DMD: variants seen among roughly 807,000 people sequenced by gnomAD.
The protein encoded by DMD is mutant dystrophin.
Under a neutral mutation model 330.1 loss-of-function variants are expected in DMD, and 63 were observed. That is an observed-to-expected ratio of 0.19 (90% CI 0.16 to 0.24). The LOEUF (loss-of-function observed/expected upper bound fraction) is 0.24, where lower values mean the gene tolerates loss of function less well. DMD is among the 10% of genes least tolerant of loss of function. The pLI is 1.00. For missense variants in DMD, 3,344 were observed against 2,684.1 expected (o/e 1.25, Z -5.43); for synonymous variants, 1,223 against 959.8 (o/e 1.27, Z -5.07).
At chrX:31,795,864 T>C (rs1441162284) in intron 50 of DMD, among the ~76,000 whole-genome samples, 1 of 112,129 alleles carries the variant, frequency 8.9e-6, no homozygotes, top group Non-Finnish European at 1.9e-5. Flanking sequence ...GAGAATGTAA[T>C]GGTAAGTTTA....
intron 11 of DMD, among the ~76,000 whole-genome samples, chrX:32,616,435 T>C (rs1370036234): frequency 9.0e-6 from 1 of 111,218 alleles, no homozygotes; most frequent in Non-Finnish European, 1.9e-5. Flanking sequence ...GACTCATGTA[T>C]AGTTATTTGA....
intron 7 of DMD, among the ~76,000 whole-genome samples, chrX:32,729,869 T>C (rs1194056072): frequency 1.8e-5 from 2 of 112,293 alleles, no homozygotes; most frequent in African/African-American, 6.5e-5. Flanking sequence ...GACTATGTAA[T>C]AAACAATTTT....
intron 17 of DMD, among the ~76,000 whole-genome samples, chrX:32,536,802 G>A (rs1399458187): frequency 1.8e-5 from 2 of 111,440 alleles, no homozygotes; most frequent in African/African-American, 6.5e-5. Flanking sequence ...AGCTGGAGAG[G>A]TAGGCAGCTA....
At chrX:32,945,427 G>C (rs1283629931) in intron 2 of DMD, among the ~76,000 whole-genome samples, 3 of 110,705 alleles carry the variant, frequency 2.7e-5, no homozygotes, top group African/African-American at 9.8e-5. Context: ...GATTTACTTA[G>C]TACCAAGTTG....
At position 32,463,528 on chromosome X, in the gene DMD, T is replaced by A. The variant is rs2098390848; in HGVS notation, c.3343A>T (p.Ile1115Leu). 1 of 1,203,561 alleles carries A rather than the reference T, an allele frequency of 8.3e-7. No homozygotes were observed. Among genetic ancestry groups the A allele is most frequent in the Non-Finnish European group, 1.1e-6 (1 of 890,648 alleles). The change falls in exon 25 of 79, where the codon ATA becomes TTA. Residue 1115 changes from isoleucine to leucine, a missense_variant. Coordinates refer to ENST00000357033, the MANE Select transcript of DMD (RefSeq NM_004006.3). The stretch of plus-strand genomic sequence containing the variant: ...AACTCTGGCTCTGCTTCATTCTTTA[T>A]CTTCTGCCCACCTTCATTGACACTG... ...LNSVNEGGQKIKNEAEPEFAS... is the reference protein window; with the variant it reads ...LNSVNEGGQKLKNEAEPEFAS...
rs1165601315 is a variant in DMD, at chrX:31,134,158, C to G, written c.10958G>C (p.Ser3653Thr). 1.7e-6 allele frequency: 2 copies of G among 1,211,308 alleles called. No individual in the cohort carries two copies. The highest frequency in any genetic ancestry group is 2.2e-6 in the Non-Finnish European group (2 of 895,256). The part of the protein sequence containing the change: ...EDLLSPPQDT[S>T]TGLEEVMEQL... The stretch of plus-strand genomic sequence containing the variant: ...CTCCATCACCTCCTCTAACCCTGTG[C>G]TTGTGTCCTGGGGAGGACTGAGAAG... Residue 3653 changes from serine to threonine, a missense_variant, in exon 77 of 79, where the codon AGC becomes ACC. Ser to Thr is a moderately conservative substitution (Grantham distance 58). Transcript: ENST00000357033.
At chrX:31,993,853 T>A (rs1253001129) in intron 44 of DMD, among the ~76,000 whole-genome samples, 1 of 111,889 alleles carries the variant, frequency 8.9e-6, no homozygotes, top group East Asian at 2.8e-4. Flanking sequence ...ATGTAAATCT[T>A]TGCTCAGCTG....
intron 43 of DMD, among the ~76,000 whole-genome samples, chrX:32,251,019 C>A (rs1350727418): frequency 1.9e-5 from 2 of 107,928 alleles, no homozygotes; most frequent in African/African-American, 3.4e-5. Flanking sequence ...GGGAGGGGAA[C>A]AACACACACT....
intron 51 of DMD, among the ~76,000 whole-genome samples, chrX:31,773,724 C>CTTTT (rs762551529): frequency 1.4e-3 from 77 of 53,478 alleles, no homozygotes; most frequent in African/African-American, 1.8e-3. Context: ...AAGGTTTCTG[C>CTTTT]TTTTTTTTTT....
chrX:32,045,018 G>A (rs2096052936), intron 44 of DMD, among the ~76,000 whole-genome samples: 1 of 110,675 alleles, frequency 9.0e-6, no homozygotes, highest in African/African-American at 3.3e-5. Context: ...TTTGGGTCAT[G>A]GGGACAGATC....
chrX:32,712,406 C>T (rs1490798139), intron 7 of DMD, among the ~76,000 whole-genome samples: 1 of 111,435 alleles, frequency 9.0e-6, no homozygotes, highest in South Asian at 3.8e-4. Context: ...ATATCTAATT[C>T]TTAAATGTGA....
At chrX:33,224,863 A>G (rs2052256920) in intron 1 of DMD, among the ~76,000 whole-genome samples, 1 of 111,346 alleles carries the variant, frequency 9.0e-6, no homozygotes, top group African/African-American at 3.3e-5. Flanking sequence ...TTTGCTGTGA[A>G]CCTAAAGGTT....
chrX:33,090,477 C>G (rs752724939), intron 1 of DMD, among the ~76,000 whole-genome samples: 1 of 108,470 alleles, frequency 9.2e-6, no homozygotes, highest in East Asian at 2.9e-4. Context: ...CTGTGTCCAA[C>G]TACATTTGGG....
intron 13 of DMD, among the ~76,000 whole-genome samples, chrX:32,580,232 T>G (rs1405954493): frequency 9.0e-6 from 1 of 111,482 alleles, no homozygotes; most frequent in Non-Finnish European, 1.9e-5. Flanking sequence ...CTCCTTGAGG[T>G]GGGCTCCTTA....
chrX:31,473,876 C>A (rs767180919), intron 59 of DMD, among the ~76,000 whole-genome samples: 1 of 111,233 alleles, frequency 9.0e-6, no homozygotes, highest in African/African-American at 3.3e-5. Context: ...CCTAGTAATT[C>A]AAAAAGTTAT....
intron 44 of DMD, among the ~76,000 whole-genome samples, chrX:32,056,390 T>TAAAAAA (rs34726053): frequency 6.3e-5 from 3 of 47,572 alleles, no homozygotes; most frequent in East Asian, 5.5e-4. Flanking sequence ...GTAGATTAAG[T>TAAAAAA]AAAAAAAAAA....
chrX:33,155,019 T>C (rs1337337491), intron 1 of DMD, among the ~76,000 whole-genome samples: 2 of 112,437 alleles, frequency 1.8e-5, no homozygotes, highest in Admixed American at 1.9e-4. Context: ...ATCTTTCTTA[T>C]TCCAGAAGTA....
chrX:32,548,257 C>CA (rs1024330619), intron 16 of DMD, among the ~76,000 whole-genome samples: 6 of 111,503 alleles, frequency 5.4e-5, no homozygotes, highest in Non-Finnish European at 1.1e-4. Flanking sequence ...GATAATCACA[C>CA]AAATAATTGT....
intron 4 of DMD, among the ~76,000 whole-genome samples, chrX:32,839,161 C>T: frequency 9.0e-6 from 1 of 111,212 alleles, no homozygotes; most frequent in South Asian, 3.9e-4. Context: ...CCCCACCTTA[C>T]TACCTCTCTG....
Sources: allele counts gnomAD v4.1 joint callset (sites outside exome capture counted in the v4.1 genomes callset), GRCh38; gene constraint gnomAD v4.1.1; transcripts MANE v1.5; gene names NCBI Gene and HGNC (gene_info 2026-07-23, HGNC 2026-07-21).